The following SLC35F1 variants were observed in gnomAD, a reference collection of about 807,000 sequenced individuals.
SLC35F1 encodes the protein solute carrier family 35 member F1.
A neutral mutation model predicts 48.7 loss-of-function variants in SLC35F1; 14 were observed. That is an observed-to-expected ratio of 0.29 (90% confidence interval 0.19 to 0.45). The LOEUF (loss-of-function observed/expected upper bound fraction) is 0.45, where lower values mean the gene tolerates loss of function less well. SLC35F1 is among the 20% of genes least tolerant of loss of function. The pLI is 1.00. For missense variants in SLC35F1, 404 were observed against 500.0 expected (o/e 0.81, Z 1.83); for synonymous variants, 190 against 202.2 (o/e 0.94, Z 0.51).
At chr6:117,982,451 T>A (rs113132749) in intron 1 of SLC35F1, among the ~76,000 whole-genome samples, 53 of 152,362 alleles carry the variant, frequency 3.5e-4, no homozygotes, top group Non-Finnish European at 6.3e-4. Flanking sequence ...CTAATCTTCA[T>A]TCTTCGTTTC....
chr6:118,290,150 A>G (rs1375779034), intron 7 of SLC35F1, among the ~76,000 whole-genome samples: 3 of 152,178 alleles, frequency 2.0e-5, no homozygotes, highest in Non-Finnish European at 4.4e-5. Flanking sequence ...CTTTTTGGCT[A>G]TTAGAAATAA....
At chr6:118,019,377 T>G (rs2114883028) in intron 1 of SLC35F1, among the ~76,000 whole-genome samples, 1 of 152,286 alleles carries the variant, frequency 6.6e-6, no homozygotes, top group East Asian at 1.9e-4. Context: ...ACTAAGATAT[T>G]GATATACGCT....
intron 1 of SLC35F1, among the ~76,000 whole-genome samples, chr6:118,124,984 T>G (rs1773603143): frequency 6.6e-6 from 1 of 152,114 alleles, no homozygotes; most frequent in Non-Finnish European, 1.5e-5. Flanking sequence ...CCAGGAGCCA[T>G]GGACAAAAGA....
intron 7 of SLC35F1, among the ~76,000 whole-genome samples, chr6:118,292,338 A>T (rs1222435343): frequency 1.3e-5 from 2 of 152,116 alleles, no homozygotes; most frequent in Non-Finnish European, 2.9e-5. Flanking sequence ...AAATATAAAG[A>T]CACATTGTTA....
chr6:118,043,387 A>G (rs980770941), intron 1 of SLC35F1, among the ~76,000 whole-genome samples: 8 of 151,672 alleles, frequency 5.3e-5, no homozygotes, highest in Non-Finnish European at 1.0e-4. Flanking sequence ...CACAGAGAAG[A>G]GTTTTGAATA....
intron 1 of SLC35F1, among the ~76,000 whole-genome samples, chr6:118,091,101 A>G (rs898404102): frequency 1.3e-5 from 2 of 152,256 alleles, no homozygotes; most frequent in African/African-American, 4.8e-5. Flanking sequence ...TCTTAACTGA[A>G]TGAATGAAAT....
chr6:117,907,583 TC>T lies in SLC35F1; in HGVS notation c.-140del. 2.3e-6 allele frequency: 1 copy of T among 426,880 alleles called. No individual in the cohort carries two copies. The highest frequency in any genetic ancestry group is 4.0e-6 in the Non-Finnish European group (1 of 250,558). The allele number at this position is 426,880 out of a possible 1,614,324, so 26.4% of individuals were successfully genotyped here. A position where few individuals can be genotyped will look rare whatever the true frequency, so the allele number is the denominator to read the frequency against. On this transcript the variant is annotated 5_prime_UTR_variant, in exon 1 of 8. Coordinates refer to ENST00000360388, the MANE Select transcript of SLC35F1 (RefSeq NM_001029858.4). ...GGCGGCGGCCGTAGCCGCGGGTGCC[TC>T]CCCGCCTCACCGCTTCGCAGGCAGC...
intron 1 of SLC35F1, among the ~76,000 whole-genome samples, chr6:117,918,877 G>A (rs1019711635): frequency 1.3e-5 from 2 of 151,956 alleles, no homozygotes; most frequent in African/African-American, 2.4e-5. Context: ...AGAGAGAAGA[G>A]GGAATTAAGA....
chr6:118,273,891 A>G lies in SLC35F1; in HGVS notation c.638-1568A>G, dbSNP rs983090398. ...CTGCCTTCAGGATCTCTTCCCCTCT[A>G]TCTCCAATCCTTGACAGGAAAAAGA... On this transcript the variant is annotated intron_variant, in intron 4 of 7. Transcript: ENST00000360388. Among the ~76,000 whole-genome samples the G allele has an allele frequency of 1.6e-3, 240 of 152,178 alleles. 3 individuals carry two copies. Among genetic ancestry groups the G allele is most frequent in the Non-Finnish European group, 7.5e-4 (51 of 68,026 alleles).
chr6:118,001,927 C>T (rs1336189743), intron 1 of SLC35F1, among the ~76,000 whole-genome samples: 1 of 149,742 alleles, frequency 6.7e-6, no homozygotes, highest in Non-Finnish European at 1.5e-5. Context: ...GTTAGAATGG[C>T]AATCATTAAA....
intron 2 of SLC35F1, among the ~76,000 whole-genome samples, chr6:118,173,240 C>A (rs2114498583): frequency 6.6e-6 from 1 of 152,086 alleles, no homozygotes; most frequent in Non-Finnish European, 1.5e-5. Context: ...TTACAGTTTT[C>A]TGAACCCAAC....
At chr6:118,240,640 A>G (rs1295014691) in intron 3 of SLC35F1, among the ~76,000 whole-genome samples, 1 of 152,244 alleles carries the variant, frequency 6.6e-6, no homozygotes, top group Non-Finnish European at 1.5e-5. Context: ...TTCTGAAGGA[A>G]ATCAACACAG....
intron 1 of SLC35F1, among the ~76,000 whole-genome samples, chr6:118,028,070 T>TA (rs1771984246): frequency 6.6e-6 from 1 of 152,116 alleles, no homozygotes; most frequent in Non-Finnish European, 1.5e-5. Context: ...GGGTTTATTT[T>TA]AAAAATGCTT....
chr6:118,185,110 G>A (rs1410775575), intron 2 of SLC35F1, among the ~76,000 whole-genome samples: 2 of 152,138 alleles, frequency 1.3e-5, no homozygotes, highest in East Asian at 1.9e-4. Flanking sequence ...ATCAGTGATA[G>A]CATTAGCAAG....
intron 1 of SLC35F1, among the ~76,000 whole-genome samples, chr6:118,075,998 T>A (rs1434579065): frequency 1.3e-5 from 2 of 152,198 alleles, no homozygotes; most frequent in Non-Finnish European, 2.9e-5. Context: ...GGTACTTACT[T>A]CAGTGTGGAG....
chr6:118,254,323 A>G (rs1488702097), intron 3 of SLC35F1, among the ~76,000 whole-genome samples: 1 of 152,196 alleles, frequency 6.6e-6, no homozygotes. Context: ...GCTCTGTCAC[A>G]TAAGCTGGAG....
chr6:118,072,649 A>G (rs1396163576), intron 1 of SLC35F1, among the ~76,000 whole-genome samples: 1 of 151,928 alleles, frequency 6.6e-6, no homozygotes. Flanking sequence ...ATAATATTTC[A>G]TTTTTTGTTC....
chr6:118,241,963 C>G (rs1172617077), intron 3 of SLC35F1, among the ~76,000 whole-genome samples: 1 of 152,130 alleles, frequency 6.6e-6, no homozygotes, highest in Non-Finnish European at 1.5e-5. Context: ...ATTTGTTTAA[C>G]TATTTACCTG....
intron 1 of SLC35F1, among the ~76,000 whole-genome samples, chr6:118,152,525 G>A (rs1238707757): frequency 6.6e-6 from 1 of 152,132 alleles, no homozygotes; most frequent in African/African-American, 2.4e-5. Context: ...GTTTGACTGG[G>A]GCAGGAGAAT....
Sources: gnomAD v4.1 joint callset for allele counts (sites outside exome capture counted in the v4.1 genomes callset) on GRCh38, gnomAD v4.1.1 for gene constraint, MANE v1.5 for transcripts, NCBI Gene and HGNC (gene_info 2026-07-23, HGNC 2026-07-21) for gene names.